AP2A2: variants seen among roughly 807,000 people sequenced by gnomAD.
AP2A2 encodes the protein AP-2 complex subunit alpha-2.
Under a neutral mutation model 104.2 loss-of-function variants are expected in AP2A2, and 32 were observed. That is an observed-to-expected ratio of 0.31 (90% CI 0.23 to 0.41). The LOEUF is 0.41. Among genes scored for constraint, AP2A2 ranks in the 10% least tolerant of loss-of-function variants. The pLI, the probability that AP2A2 is intolerant of heterozygous loss-of-function variation, is 1.00. For missense variants in AP2A2, 912 were observed against 1,261.0 expected, an observed-to-expected ratio of 0.72 and a Z score of 4.19; for synonymous variants, 539 against 533.3, an observed-to-expected ratio of 1.01 and a Z score of -0.15.
chr11:957,494 G>A (rs779170948), intron 1 of AP2A2, among the ~76,000 whole-genome samples: 6 of 152,226 alleles, frequency 3.9e-5, no homozygotes, highest in Non-Finnish European at 8.8e-5. Context: ...CCCACAGTCA[G>A]ACAAGGTAGG....
At chr11:948,625 G>C (rs1009754115) in intron 1 of AP2A2, 1 of 152,098 alleles carries the variant, frequency 6.6e-6, no homozygotes. Context: ...CCAGCACTTT[G>C]GGAGTCTGAG....
At chr11:988,788 T>C (rs1855549791) in intron 10 of AP2A2, 99 bp downstream of exon 10, 1 of 1,460,854 alleles carries the variant, frequency 6.8e-7, no homozygotes, top group Admixed American at 1.8e-5. Context: ...CAGGACTTGA[T>C]TGAGAACCCA....
chr11:996,394 C>T (rs756367089), intron 14 of AP2A2, among the ~76,000 whole-genome samples: 3 of 152,220 alleles, frequency 2.0e-5, no homozygotes, highest in Non-Finnish European at 1.5e-5. Context: ...GCTGCTTTGA[C>T]GTTAAGAGGA....
intron 2 of AP2A2, among the ~76,000 whole-genome samples, chr11:966,463 A>T (rs1403561111): frequency 1.3e-5 from 2 of 152,102 alleles, no homozygotes; most frequent in African/African-American, 2.4e-5. Flanking sequence ...ATGCCACTGC[A>T]CTCCAGTCTG....
At chr11:997,502 TA>T (rs1464737561) in intron 14 of AP2A2, among the ~76,000 whole-genome samples, 6 of 152,230 alleles carry the variant, frequency 3.9e-5, no homozygotes, top group Non-Finnish European at 8.8e-5. Context: ...GTTAGGACCC[TA>T]CTGTCCTGGG....
intron 1 of AP2A2, among the ~76,000 whole-genome samples, chr11:952,752 G>T (rs1283418370): frequency 1.3e-5 from 2 of 152,198 alleles, no homozygotes; most frequent in Non-Finnish European, 1.5e-5. Flanking sequence ...CTGTGGGTCA[G>T]TTACTCTTGC....
intron 2 of AP2A2, 134 bp from the exon 3 acceptor site, chr11:970,035 C>T: frequency 4.5e-6 from 4 of 895,290 alleles, no homozygotes; most frequent in Non-Finnish European, 7.0e-6. Flanking sequence ...TGCACTGCAC[C>T]TGCCTGGGCC....
intron 1 of AP2A2, among the ~76,000 whole-genome samples, chr11:954,229 A>G (rs933690245): frequency 1.3e-5 from 2 of 152,210 alleles, no homozygotes; most frequent in African/African-American, 4.8e-5. Context: ...GAATGAGTCA[A>G]AGGCTGCACT....
chr11:957,383 C>T (rs1854272259), intron 1 of AP2A2, among the ~76,000 whole-genome samples: 1 of 152,176 alleles, frequency 6.6e-6, no homozygotes, highest in African/African-American at 2.4e-5. Context: ...TGATCTAAAC[C>T]CAGCAGGGCC....
intron 14 of AP2A2, among the ~76,000 whole-genome samples, chr11:999,814 T>G (rs1241010312): frequency 6.7e-6 from 1 of 149,184 alleles, no homozygotes; most frequent in Non-Finnish European, 1.5e-5. Flanking sequence ...TTTTTTTTTT[T>G]TTTTTTTGAG....
At chr11:990,422 G>A (rs1438199877) in intron 10 of AP2A2, among the ~76,000 whole-genome samples, 2 of 152,182 alleles carry the variant, frequency 1.3e-5, no homozygotes, top group East Asian at 1.9e-4. Flanking sequence ...GGGGACGGCC[G>A]TCACGGGAGC....
chr11:1,009,522 C>T (rs909386666), intron 20 of AP2A2, 125 bp downstream of exon 20: 363 of 1,303,728 alleles, frequency 2.8e-4, no homozygotes, highest in South Asian at 4.0e-4. Flanking sequence ...GGGACGGCCC[C>T]GGGGGACACG....
chr11:976,956 C>T (rs991395520), intron 4 of AP2A2, 139 bp from the exon 5 acceptor site: 217 of 1,163,898 alleles, frequency 1.9e-4, no homozygotes, highest in Non-Finnish European at 1.8e-4. Context: ...TAGGCGGCCT[C>T]GGCAGGCGGC....
At chr11:1,006,865 C>A in intron 17 of AP2A2, 1 of 501,792 alleles carries the variant, frequency 2.0e-6, no homozygotes, top group East Asian at 3.5e-5. Flanking sequence ...GCCTCCTCCC[C>A]TTCCATCTGG....
intron 1 of AP2A2, 98 bp downstream of exon 1, chr11:926,186 A>C: frequency 1.4e-6 from 1 of 700,560 alleles, no homozygotes; most frequent in Non-Finnish European, 1.8e-6. Context: ...GCGGGGGTGC[A>C]GGCTGGGATG....
Position 992,660 on chromosome 11 carries a change from G to C in AP2A2, c.1427G>C (p.Gly476Ala). Residue 476 changes from glycine to alanine, a missense_variant, in exon 11 of 22, where the codon GGC (glycine) becomes GCC (alanine). Physicochemically the swap from Gly to Ala is moderately conservative, Grantham distance 60. This residue lies in a region of AP2A2 where 21 missense variants were observed against 62.0 expected (regional missense o/e 0.34). Coordinates refer to ENST00000448903, the MANE Select transcript of AP2A2 (RefSeq NM_012305.4). The surrounding 1 kb of genome is among the most constrained non-coding windows in gnomAD (Gnocchi z 6.4). ...QIVINRDDVQ[G>A]YAAKTVFEAL... ...GTCATCAACCGGGACGACGTGCAGG[G>C]CTACGCGGCCAAGACTGTGTTCGAG... The C allele has an allele frequency of 6.2e-7, 1 of 1,613,934 alleles. No homozygotes were observed. The highest frequency in any genetic ancestry group is 8.5e-7 in the Non-Finnish European group (1 of 1,179,892).
chr11:999,814 T>C (rs1241010312), intron 14 of AP2A2, among the ~76,000 whole-genome samples: 1 of 149,184 alleles, frequency 6.7e-6, no homozygotes, highest in African/African-American at 2.5e-5. Context: ...TTTTTTTTTT[T>C]TTTTTTTGAG....
chr11:1,003,891 G>T (rs1856109055), intron 16 of AP2A2, 87 bp downstream of exon 16: 1 of 832,034 alleles, frequency 1.2e-6, no homozygotes, highest in Non-Finnish European at 1.8e-6. Context: ...ACTTATAAGG[G>T]ATAGATATCC....
intron 1 of AP2A2, among the ~76,000 whole-genome samples, chr11:935,913 T>C (rs1853443611): frequency 2.0e-5 from 3 of 150,458 alleles, no homozygotes; most frequent in South Asian, 4.2e-4. Context: ...TTTTTTTTTT[T>C]TTCCCCCAGG....
Sources: allele counts gnomAD v4.1 joint callset (sites outside exome capture counted in the v4.1 genomes callset), GRCh38; gene constraint gnomAD v4.1.1; regional missense constraint gnomAD v4.1.1; non-coding constraint Gnocchi (gnomAD v3.1); transcripts MANE v1.5; gene names NCBI Gene and HGNC (gene_info 2026-07-23, HGNC 2026-07-21).